H2AC1: variants seen among roughly 807,000 people sequenced by gnomAD.
The protein encoded by H2AC1 is H2A clustered histone 1.
For missense variants in H2AC1, 218 were observed against 173.8 expected (o/e 1.25, Z -1.43); for synonymous variants, 145 against 70.0 (o/e 2.07, Z -5.35).
rs1408436021 is a variant in H2AC1, at chr6:25,726,557, A to G, written c.-30T>C. 1.3e-6 allele frequency: 2 copies of G among 1,587,408 alleles called. No homozygotes were observed. Among genetic ancestry groups the G allele is most frequent in the East Asian group, 2.2e-5 (1 of 44,552 alleles). ...TCGCATCAAATTGCAGCAACACGAGAACCACATTTCTAGGGCTGCTACTGG... is the reference window on the plus strand; with the variant it reads ...TCGCATCAAATTGCAGCAACACGAGGACCACATTTCTAGGGCTGCTACTGG... On this transcript the variant is annotated 5_prime_UTR_variant, in exon 1 of 1. Transcript: ENST00000297012.
chr6:25,726,180 C>T lies in H2AC1; in HGVS notation c.348G>A (p.Leu116=). The change falls in exon 1 of 1, where the codon CTG becomes CTA. Residue 116 remains leucine (L), a synonymous_variant. Coordinates refer to ENST00000297012, the MANE Select transcript of H2AC1 (RefSeq NM_170745.3). ...GGTGACTCTCAGTCTTCTTGGGCAG[C>T]AGCACTGCCTGAATGTTAGGCAGGA... is the stretch of plus-strand genomic sequence containing the variant. ...GGVLPNIQAV[L]LPKKTESHHH... The T allele has an allele frequency of 4.4e-6, 7 of 1,588,012 alleles. 2 individuals carry two copies. The South Asian group carries it at 8.0e-5, about 18-fold the overall frequency.
In H2AC1 at chr6:25,726,545, C is replaced by A. The variant is rs202165082; in HGVS notation, c.-18G>T. 1 of 1,596,330 alleles carries A rather than the reference C, an allele frequency of 6.3e-7. No individual in the cohort carries two copies. The highest frequency in any genetic ancestry group is 1.7e-5 in the Admixed American group (1 of 59,162). ...CCAGACATCTCCTCGCATCAAATTG[C>A]AGCAACACGAGAACCACATTTCTAG... On this transcript the variant is annotated 5_prime_UTR_variant, in exon 1 of 1. Coordinates refer to ENST00000297012, the MANE Select transcript of H2AC1 (RefSeq NM_170745.3).
chr6:25,726,409 T>G lies in H2AC1; in HGVS notation c.119A>C (p.Tyr40Ser), dbSNP rs149061773. ...TGCGCCTGCCCCTATCCGCTCTGCA[T>G]AGTTTCCCTTACGAAGCAGACGATG... ...RIHRLLRKGN[Y>S]AERIGAGAPV... Residue 40 changes from tyrosine (Y) to serine (S), a missense_variant, in exon 1 of 1, where the codon TAT becomes TCT. Tyr to Ser is a moderately radical substitution (Grantham distance 144). Transcript: ENST00000297012. The G allele has an allele frequency of 3.7e-5, 60 of 1,613,988 alleles. No individual in the cohort carries two copies. Among genetic ancestry groups the G allele is most frequent in the Non-Finnish European group, 4.9e-5 (58 of 1,180,008 alleles).
At position 25,726,231 on chromosome 6, in the gene H2AC1, G is replaced by C. The variant is rs367946056; in HGVS notation, c.297C>G (p.Gly99=). 1.2e-6 allele frequency: 2 copies of C among 1,613,224 alleles called. No individual in the cohort carries two copies. The highest frequency in any genetic ancestry group is 2.7e-5 in the African/African-American group (2 of 75,028). ...CTCCGCCCTGGGCAATGGTCACGCC[G>C]CCCAAAAGCTTATTGAGTTCCTCAT... is the stretch of plus-strand genomic sequence containing the variant. ...RNDEELNKLL[G]GVTIAQGGVL... Residue 99 remains glycine (G), a synonymous_variant, in exon 1 of 1, where the codon GGC becomes GGG. Transcript: ENST00000297012.
chr6:25,726,414 T>TC lies in H2AC1; in HGVS notation c.113dup (p.Asn39LysfsTer27). Reference sequence around the variant, plus strand: ...CTGCCCCTATCCGCTCTGCATAGTTTCCCTTACGAAGCAGACGATGGATCC... The same window carrying TC: ...CTGCCCCTATCCGCTCTGCATAGTTTCCCCTTACGAAGCAGACGATGGATCC... On this transcript the variant is annotated frameshift_variant, in exon 1 of 1. Coordinates refer to ENST00000297012, the MANE Select transcript of H2AC1 (RefSeq NM_170745.3). LOFTEE classifies it low-confidence loss of function (END_TRUNC). 5 of 1,614,104 alleles carry TC rather than the reference T, an allele frequency of 3.1e-6. No homozygotes were observed. The highest frequency in any genetic ancestry group is 4.2e-6 in the Non-Finnish European group (5 of 1,180,012).
rs9461208 is a variant in H2AC1, at chr6:25,726,558, A to G, written c.-31T>C. On this transcript the variant is annotated 5_prime_UTR_variant, in exon 1 of 1. Transcript: ENST00000297012. ...CGCATCAAATTGCAGCAACACGAGA[A>G]CCACATTTCTAGGGCTGCTACTGGG... The G allele has an allele frequency of 1.9e-6, 3 of 1,586,222 alleles. No individual in the cohort carries two copies. The highest frequency in any genetic ancestry group is 2.6e-6 in the Non-Finnish European group (3 of 1,163,172).
rs1385188752 is a variant in H2AC1, at chr6:25,726,345, T to C, written c.183A>G (p.Ala61=). The C allele has an allele frequency of 6.2e-7, 1 of 1,614,174 alleles. No individual in the cohort carries two copies. The highest frequency in any genetic ancestry group is 8.5e-7 in the Non-Finnish European group (1 of 1,180,026). Residue 61 remains alanine (A), a synonymous_variant, in exon 1 of 1, where the codon GCA becomes GCG. Transcript: ENST00000297012. The stretch of plus-strand genomic sequence containing the variant: ...CATTGCCTGCCAGCTCAAGGATTTC[T>C]GCTGTGAGATACTCTAACACTGCCG... The part of the protein sequence containing the change: ...YLAAVLEYLT[A]EILELAGNAS...
In H2AC1 at chr6:25,726,501, T is replaced by C. The variant is rs2151389840; in HGVS notation, c.27A>G (p.Gly9=). 4 of 1,611,344 alleles carry C rather than the reference T, an allele frequency of 2.5e-6. No homozygotes were observed. The highest frequency in any genetic ancestry group is 8.5e-7 in the Non-Finnish European group (1 of 1,178,054). Residue 9 remains glycine (G), a synonymous_variant, in exon 1 of 1, where the codon GGA becomes GGG. Transcript: ENST00000297012. Reference sequence around the variant, plus strand: ...GAGACTTAGACTTGGCGCGTGCTTTTCCTCCCTGCTTCCCTCGTCCAGACA... The same window carrying C: ...GAGACTTAGACTTGGCGCGTGCTTTCCCTCCCTGCTTCCCTCGTCCAGACA... MSGRGKQG[G]KARAKSKSRS...
rs1561779695 is a variant in H2AC1 at position 25,726,500 on chromosome 6, T to TA, written c.27_28insT (p.Lys10Ter). 1.2e-6 allele frequency: 2 copies of TA among 1,611,392 alleles called. No individual in the cohort carries two copies. Among genetic ancestry groups the TA allele is most frequent in the Non-Finnish European group, 1.7e-6 (2 of 1,178,186 alleles). On this transcript the variant is annotated frameshift_variant, in exon 1 of 1. Transcript: ENST00000297012. LOFTEE classifies it low-confidence loss of function (END_TRUNC). The stretch of plus-strand genomic sequence containing the variant: ...CGAGACTTAGACTTGGCGCGTGCTT[T>TA]TCCTCCCTGCTTCCCTCGTCCAGAC...
In H2AC1 at chr6:25,726,066, G is replaced by A. The variant is rs1443982918; in HGVS notation, c.*66C>T. On this transcript the variant is annotated 3_prime_UTR_variant, in exon 1 of 1. Coordinates refer to ENST00000297012, the MANE Select transcript of H2AC1 (RefSeq NM_170745.3). ...GTACAGCCTTTTTCTGAGACGGTAG[G>A]TGGCTCTGAAAAGAGCCTTTTGTTT... is the stretch of plus-strand genomic sequence containing the variant. 6 of 1,382,240 alleles carry A rather than the reference G, an allele frequency of 4.3e-6. No individual in the cohort carries two copies. The highest frequency in any genetic ancestry group is 3.0e-5 in the South Asian group (2 of 66,550). The allele number at this position is 1,382,240 out of a possible 1,614,324, so 85.6% of individuals were successfully genotyped here.
At position 25,726,561 on chromosome 6, in the gene H2AC1, A is replaced by G. The variant is rs1437749460; in HGVS notation, c.-34T>C. The G allele has an allele frequency of 1.3e-6, 2 of 1,583,192 alleles. No homozygotes were observed. Among genetic ancestry groups the G allele is most frequent in the African/African-American group, 1.3e-5 (1 of 74,288 alleles). Reference sequence around the variant, plus strand: ...ATCAAATTGCAGCAACACGAGAACCACATTTCTAGGGCTGCTACTGGGCCT... The same window carrying G: ...ATCAAATTGCAGCAACACGAGAACCGCATTTCTAGGGCTGCTACTGGGCCT... On this transcript the variant is annotated 5_prime_UTR_variant, in exon 1 of 1. Transcript: ENST00000297012.
chr6:25,726,421 C>A lies in H2AC1; in HGVS notation c.107G>T (p.Arg36Leu). The A allele has an allele frequency of 1.2e-6, 2 of 1,614,130 alleles. No individual in the cohort carries two copies. Among genetic ancestry groups the A allele is most frequent in the Non-Finnish European group, 1.7e-6 (2 of 1,180,026 alleles). The change falls in exon 1 of 1, where the codon CGT becomes CTT. Residue 36 changes from arginine (R) to leucine (L), a missense_variant. Transcript: ENST00000297012. ...TATCCGCTCTGCATAGTTTCCCTTA[C>A]GAAGCAGACGATGGATCCGGCCTAC... ...FPVGRIHRLL[R>L]KGNYAERIGA...
In H2AC1 at chr6:25,726,491, C is replaced by A. The variant is rs141721895; in HGVS notation, c.37G>T (p.Ala13Ser). The A allele has an allele frequency of 6.2e-7, 1 of 1,612,306 alleles. No individual in the cohort carries two copies. The highest frequency in any genetic ancestry group is 8.5e-7 in the Non-Finnish European group (1 of 1,178,950). ...CTAGAAGAGCGAGACTTAGACTTGGCGCGTGCTTTTCCTCCCTGCTTCCCT... is the reference window on the plus strand; with the variant it reads ...CTAGAAGAGCGAGACTTAGACTTGGAGCGTGCTTTTCCTCCCTGCTTCCCT... ...GRGKQGGKAR[A>S]KSKSRSSRAG... Residue 13 changes from alanine (A) to serine (S), a missense_variant, in exon 1 of 1, where the codon GCC becomes TCC. Ala to Ser is a moderately conservative substitution (Grantham distance 99, BLOSUM62 1). Transcript: ENST00000297012.
Position 25,726,360 on chromosome 6 carries a change from T to C in H2AC1, c.168A>G (p.Leu56=), listed in dbSNP as rs1215546011. 6.2e-7 allele frequency: 1 copy of C among 1,614,180 alleles called. No homozygotes were observed. Among genetic ancestry groups the C allele is most frequent in the Non-Finnish European group, 8.5e-7 (1 of 1,180,028 alleles). ...AGAPVYLAAV[L]EYLTAEILEL... ...CAAGGATTTCTGCTGTGAGATACTC[T>C]AACACTGCCGCCAAATACACTGGTG... Residue 56 remains leucine, a synonymous_variant, in exon 1 of 1, where the codon TTA becomes TTG. Transcript: ENST00000297012.
Position 25,726,152 on chromosome 6 carries a change from G to A in H2AC1, c.376C>T (p.His126Tyr), listed in dbSNP as rs748439979. 5.2e-6 allele frequency: 8 copies of A among 1,553,158 alleles called. No homozygotes were observed. Among genetic ancestry groups the A allele is most frequent in the South Asian group, 1.2e-5 (1 of 82,506 alleles). Reference sequence around the variant, plus strand: ...TTAAGTTACTTGCTTTGGGCTTTATGGTGGTGACTCTCAGTCTTCTTGGGC... The same window carrying A: ...TTAAGTTACTTGCTTTGGGCTTTATAGTGGTGACTCTCAGTCTTCTTGGGC... ...LLPKKTESHHHKAQSK is the reference protein window; with the variant it reads ...LLPKKTESHHYKAQSK Residue 126 changes from histidine (H) to tyrosine (Y), a missense_variant, in exon 1 of 1, where the codon CAT becomes TAT. By Grantham distance (83) the His-to-Tyr change is moderately conservative. Coordinates refer to ENST00000297012, the MANE Select transcript of H2AC1 (RefSeq NM_170745.3).
In H2AC1 at chr6:25,726,219, A is replaced by G; in HGVS notation, c.309T>C (p.Ile103=). The G allele has an allele frequency of 6.2e-7, 1 of 1,612,374 alleles. No homozygotes were observed. Among genetic ancestry groups the G allele is most frequent in the African/African-American group, 1.3e-5 (1 of 75,018 alleles). ...TGTTAGGCAGGACTCCGCCCTGGGC[A>G]ATGGTCACGCCGCCCAAAAGCTTAT... The part of the protein sequence containing the change: ...ELNKLLGGVT[I]AQGGVLPNIQ... The change falls in exon 1 of 1, where the codon ATT becomes ATC. Residue 103 remains isoleucine (I), a synonymous_variant. Coordinates refer to ENST00000297012, the MANE Select transcript of H2AC1 (RefSeq NM_170745.3).
Position 25,726,146 on chromosome 6 carries a change from C to T in H2AC1, c.382G>A (p.Ala128Thr), listed in dbSNP as rs142933340. Residue 128 changes from alanine to threonine, a missense_variant, in exon 1 of 1, where the codon GCC becomes ACC. Physicochemically the swap from Ala to Thr is moderately conservative, Grantham distance 58. Coordinates refer to ENST00000297012, the MANE Select transcript of H2AC1 (RefSeq NM_170745.3). ...PKKTESHHHK[A>T]QSK ...ACAACCTTAAGTTACTTGCTTTGGG[C>T]TTTATGGTGGTGACTCTCAGTCTTC... is the stretch of plus-strand genomic sequence containing the variant. 8 of 1,545,420 alleles carry T rather than the reference C, an allele frequency of 5.2e-6. No homozygotes were observed. Among genetic ancestry groups the T allele is most frequent in the East Asian group, 2.3e-5 (1 of 44,170 alleles).
rs1431666008 is a variant in H2AC1 at position 25,726,099 on chromosome 6, C to T, written c.*33G>A. The T allele has an allele frequency of 6.7e-7, 1 of 1,487,046 alleles. No individual in the cohort carries two copies. The highest frequency in any genetic ancestry group is 1.4e-5 in the South Asian group (1 of 70,496). The allele number at this position is 1,487,046 out of a possible 1,614,324, so 92.1% of individuals were successfully genotyped here. A position where few individuals can be genotyped will look rare whatever the true frequency, so the allele number is the denominator to read the frequency against. ...GAAAAGAGCCTTTTGTTTTTTCTGACACAGAAGTCTTTTTACCAATGACAA... is the reference window on the plus strand; with the variant it reads ...GAAAAGAGCCTTTTGTTTTTTCTGATACAGAAGTCTTTTTACCAATGACAA... On this transcript the variant is annotated 3_prime_UTR_variant, in exon 1 of 1. Transcript: ENST00000297012.
Position 25,726,266 on chromosome 6 carries a change from T to C in H2AC1, c.262A>G (p.Ile88Val), listed in dbSNP as rs146789964. ...RIIPRHLQLAIRNDEELNKLL... is the reference protein window; with the variant it reads ...RIIPRHLQLAVRNDEELNKLL... ...TTATTGAGTTCCTCATCATTGCGGATCGCTAGCTGCAGGTGGCGGGGAATA... is the reference window on the plus strand; with the variant it reads ...TTATTGAGTTCCTCATCATTGCGGACCGCTAGCTGCAGGTGGCGGGGAATA... Residue 88 changes from isoleucine (I) to valine (V), a missense_variant, in exon 1 of 1, where the codon ATC (isoleucine) becomes GTC (valine). Transcript: ENST00000297012. 348 of 1,614,000 alleles carry C rather than the reference T, an allele frequency of 2.2e-4. No individual in the cohort carries two copies. The highest frequency in any genetic ancestry group is 2.7e-4 in the Non-Finnish European group (318 of 1,180,000).
Sources: allele counts gnomAD v4.1 joint callset, GRCh38; gene constraint gnomAD v4.1.1; transcripts MANE v1.5; gene names NCBI Gene and HGNC (gene_info 2026-07-23, HGNC 2026-07-21).